Variants in TPRG1 observed in about 807,000 individuals in gnomAD.
TPRG1 encodes tumor protein p63 regulated 1.
In TPRG1, 29 loss-of-function variants were observed where a neutral mutation model predicts 29.3. The ratio of observed to expected loss-of-function variants is 0.99; its 90% CI spans 0.74 to 1.35. TPRG1 has a LOEUF of 1.35. Among genes scored for constraint, TPRG1 ranks in the 40% most tolerant of loss-of-function variants. The pLI is 0.00. For synonymous variants in TPRG1, 130 were observed against 116.8 expected (o/e 1.11, Z -0.73); for missense variants, 327 against 335.0 (o/e 0.98, Z 0.19).
intron 3 of TPRG1, among the ~76,000 whole-genome samples, chr3:189,235,796 C>A (rs1248797956): frequency 6.6e-6 from 1 of 152,152 alleles, no homozygotes; most frequent in Non-Finnish European, 1.5e-5. Context: ...CCCTGCACCA[C>A]TGTTTGTTGG....
At chr3:189,283,256 C>T (rs925794126) in intron 4 of TPRG1, among the ~76,000 whole-genome samples, 2 of 152,172 alleles carry the variant, frequency 1.3e-5, no homozygotes, top group African/African-American at 4.8e-5. Context: ...TTTTTTAAAG[C>T]AGTGGTACAT....
rs544294756 is a variant in TPRG1 at position 189,267,648 on chromosome 3, G to T, written c.479+28739G>T. ...TGTGAAAAGTTGTTTAAGTAATCAT[G>T]ACTAGTCTCCTGGGTGACTGGAAAA... On this transcript the variant is annotated intron_variant, in intron 4 of 5. Transcript: ENST00000345063. The T allele has an allele frequency of 1.0e-4, 15 of 149,620 alleles. 1 individual carries two copies. The highest frequency in any genetic ancestry group is 7.1e-3 in the Middle Eastern group (2 of 282). 9.3% of individuals were successfully genotyped at this position (149,620 alleles called of 1,614,324 possible).
At chr3:189,291,118 G>A (rs1185497034) in intron 4 of TPRG1, among the ~76,000 whole-genome samples, 1 of 151,990 alleles carries the variant, frequency 6.6e-6, no homozygotes, top group African/African-American at 2.4e-5. Flanking sequence ...AGCCAGGATG[G>A]TCTCGATCTC....
intron 1 of TPRG1, chr3:189,121,827 G>A (rs1721851829): frequency 6.6e-6 from 1 of 152,124 alleles, no homozygotes; most frequent in African/African-American, 2.4e-5. Flanking sequence ...TTTCAAAATA[G>A]GCCCAATGAA....
chr3:189,186,849 A>G (rs1040354734), intron 1 of TPRG1, among the ~76,000 whole-genome samples: 1 of 152,134 alleles, frequency 6.6e-6, no homozygotes, highest in Admixed American at 6.6e-5. Flanking sequence ...ATTCCCCACT[A>G]TCGCTAGATT....
chr3:189,212,003 A>T (rs1008589957), intron 2 of TPRG1: 1 of 80,960 alleles, frequency 1.2e-5, no homozygotes, highest in Non-Finnish European at 2.2e-5. Flanking sequence ...GAGGTATATT[A>T]TGATAATCTT....
chr3:189,151,978 C>T (rs1278412636), intron 5 of TPRG1, among the ~76,000 whole-genome samples: 1 of 152,118 alleles, frequency 6.6e-6, no homozygotes, highest in Non-Finnish European at 1.5e-5. Flanking sequence ...TCTGTCTTTA[C>T]TGGAAGCCAG....
intron 5 of TPRG1, among the ~76,000 whole-genome samples, chr3:189,152,706 C>A (rs1726118520): frequency 6.7e-6 from 1 of 149,570 alleles, no homozygotes; most frequent in African/African-American, 2.5e-5. Context: ...GGATTGCTAC[C>A]CAACATTATT....
At chr3:189,126,115 C>G (rs980882803) in intron 1 of TPRG1, among the ~76,000 whole-genome samples, 8 of 152,140 alleles carry the variant, frequency 5.3e-5, no homozygotes, top group Admixed American at 6.6e-5. Context: ...GGAAGTGGGA[C>G]TTTACTGACA....
At chr3:189,293,003 G>A (rs1222278398) in intron 4 of TPRG1, among the ~76,000 whole-genome samples, 1 of 152,148 alleles carries the variant, frequency 6.6e-6, no homozygotes, top group Non-Finnish European at 1.5e-5. Context: ...TTTGGCCCTT[G>A]TTTGGATCAC....
chr3:189,304,287 T>C (rs952743801), intron 4 of TPRG1, among the ~76,000 whole-genome samples: 2 of 152,200 alleles, frequency 1.3e-5, no homozygotes, highest in Admixed American at 6.5e-5. Context: ...AGTTACCCAG[T>C]TGAATAGTGG....
intron 4 of TPRG1, among the ~76,000 whole-genome samples, chr3:189,040,640 C>T (rs1714572881): frequency 6.6e-6 from 1 of 152,146 alleles, no homozygotes; most frequent in South Asian, 2.1e-4. Context: ...TACTTCTGCT[C>T]ATATCTTCTG....
intron 3 of TPRG1, among the ~76,000 whole-genome samples, chr3:189,231,943 T>TTTTGTGTG (rs984741268): frequency 2.0e-5 from 3 of 147,588 alleles, no homozygotes; most frequent in African/African-American, 7.4e-5. Flanking sequence ...CAAACCTGGT[T>TTTTGTGTG]TGTGTGTGTG....
intron 4 of TPRG1, among the ~76,000 whole-genome samples, chr3:189,306,638 T>C (rs1188723810): frequency 1.3e-5 from 2 of 152,208 alleles, no homozygotes; most frequent in Non-Finnish European, 2.9e-5. Context: ...TTATTTCCTG[T>C]AACTACATCT....
At chr3:189,078,964 T>C (rs1014233839) in intron 4 of TPRG1, among the ~76,000 whole-genome samples, 2 of 152,180 alleles carry the variant, frequency 1.3e-5, no homozygotes, top group African/African-American at 4.8e-5. Flanking sequence ...GAGGGAATAC[T>C]TTAGGCTGGA....
chr3:189,217,435 A>G (rs929017006), intron 3 of TPRG1, among the ~76,000 whole-genome samples: 2 of 152,158 alleles, frequency 1.3e-5, no homozygotes, highest in Admixed American at 6.6e-5. Flanking sequence ...TCTTACTATC[A>G]TATTTGCTTG....
chr3:189,020,106 T>C (rs886613397), intron 3 of TPRG1, among the ~76,000 whole-genome samples: 9 of 152,238 alleles, frequency 5.9e-5, no homozygotes, highest in African/African-American at 2.2e-4. Flanking sequence ...ATTGCGTCTA[T>C]TTGATTCTTC....
At chr3:189,145,740 A>G (rs1036594029) in intron 3 of TPRG1, among the ~76,000 whole-genome samples, 1 of 152,250 alleles carries the variant, frequency 6.6e-6, no homozygotes, top group African/African-American at 2.4e-5. Flanking sequence ...GACTGAAAAC[A>G]ATGAAGCAAA....
chr3:189,267,949 TA>T (rs1714408976), intron 4 of TPRG1, among the ~76,000 whole-genome samples: 1 of 152,138 alleles, frequency 6.6e-6, no homozygotes, highest in Admixed American at 6.5e-5. Flanking sequence ...TCAGTCCTGG[TA>T]AAAGGTGTTG....
Sources: gnomAD v4.1 joint callset for allele counts (sites outside exome capture counted in the v4.1 genomes callset) on GRCh38, gnomAD v4.1.1 for gene constraint, MANE v1.5 for transcripts, NCBI Gene and HGNC (gene_info 2026-07-23, HGNC 2026-07-21) for gene names.